Variants in COL23A1 observed in about 807,000 individuals in gnomAD.
COL23A1 encodes the protein collagen type XXIII alpha 1 chain.
In COL23A1, 97 loss-of-function variants were observed where a neutral mutation model predicts 99.3. The observed-to-expected ratio is 0.98, with a 90% CI of 0.83 to 1.16. COL23A1 has a LOEUF of 1.16. Among genes scored for constraint, COL23A1 ranks in the 50% most tolerant of loss-of-function variants. The probability of loss-of-function intolerance (pLI) is 0.00; values close to 1 mark genes in which losing one functional copy is unlikely to be tolerated. For missense variants in COL23A1, 762 were observed against 757.4 expected (o/e 1.01, Z -0.07); for synonymous variants, 320 against 308.2 (o/e 1.04, Z -0.40).
intron 2 of COL23A1, among the ~76,000 whole-genome samples, chr5:178,540,370 T>A (rs1310979946): frequency 6.6e-6 from 1 of 152,186 alleles, no homozygotes; most frequent in African/African-American, 2.4e-5. Context: ...TTTAAAAATA[T>A]TATTATTTAA....
At chr5:178,459,706 G>C (rs949333200) in intron 2 of COL23A1, among the ~76,000 whole-genome samples, 16 of 152,218 alleles carry the variant, frequency 1.1e-4, no homozygotes, top group Non-Finnish European at 2.2e-4. Context: ...AGGTTGCAGT[G>C]AGCTGAGATT....
At chr5:178,409,033 G>A (rs1465007272) in intron 2 of COL23A1, among the ~76,000 whole-genome samples, 1 of 142,128 alleles carries the variant, frequency 7.0e-6, no homozygotes, top group Non-Finnish European at 1.5e-5. Flanking sequence ...TCATGTGGCT[G>A]AACAATTGCA....
intron 2 of COL23A1, among the ~76,000 whole-genome samples, chr5:178,341,236 C>T (rs1383148120): frequency 2.6e-5 from 4 of 152,344 alleles, no homozygotes; most frequent in Non-Finnish European, 4.4e-5. Context: ...GCAATTCTCC[C>T]GCCTCAGCTT....
chr5:178,268,517 ACT>A, intron 7 of COL23A1, among the ~76,000 whole-genome samples: 1 of 152,034 alleles, frequency 6.6e-6, no homozygotes, highest in East Asian at 1.9e-4. Context: ...AGAACTCAAG[ACT>A]CAACTCTCTG....
chr5:178,318,619 C>G (rs943863218), intron 2 of COL23A1, among the ~76,000 whole-genome samples: 1 of 152,154 alleles, frequency 6.6e-6, no homozygotes, highest in South Asian at 2.1e-4. Context: ...AAGGGGCTTT[C>G]GGCCGGGCGC....
intron 2 of COL23A1, among the ~76,000 whole-genome samples, chr5:178,530,709 T>C (rs1760598390): frequency 6.6e-6 from 1 of 152,108 alleles, no homozygotes; most frequent in Admixed American, 6.5e-5. Context: ...CTGAGGTCCC[T>C]GCCACCATCC....
At chr5:178,320,199 CTCT>C (rs1759214834) in intron 2 of COL23A1, among the ~76,000 whole-genome samples, 1 of 152,250 alleles carries the variant, frequency 6.6e-6, no homozygotes, top group Admixed American at 6.5e-5. Flanking sequence ...TATGGTTTCT[CTCT>C]TCTTGCTGGA....
intron 2 of COL23A1, among the ~76,000 whole-genome samples, chr5:178,419,844 A>C (rs1765508699): frequency 6.6e-6 from 1 of 152,166 alleles, no homozygotes; most frequent in South Asian, 2.1e-4. Flanking sequence ...CTGAGTGTTC[A>C]AACTGCGTTC....
chr5:178,376,606 C>T (rs150634371), intron 2 of COL23A1, among the ~76,000 whole-genome samples: 93 of 152,338 alleles, frequency 6.1e-4, no homozygotes, highest in African/African-American at 1.9e-3. Flanking sequence ...TCAAGCAATC[C>T]TGCAAGTTAG....
intron 2 of COL23A1, among the ~76,000 whole-genome samples, chr5:178,554,543 CTGGGCCAGCCGTCACCG>C (rs1762169062): frequency 6.6e-6 from 1 of 152,210 alleles, no homozygotes; most frequent in Non-Finnish European, 1.5e-5. Context: ...CTGGCGGTGA[CTGGGCCAGCCGTCACCG>C]GAAGAGTCTG....
At chr5:178,252,917 T>A (rs1001465810) in intron 16 of COL23A1, among the ~76,000 whole-genome samples, 1 of 152,310 alleles carries the variant, frequency 6.6e-6, no homozygotes, top group East Asian at 1.9e-4. Context: ...GGCTCCCTAT[T>A]GCCTCTCAAA....
At chr5:178,239,841 G>A (rs1429704408) in intron 27 of COL23A1, among the ~76,000 whole-genome samples, 8 of 130,580 alleles carry the variant, frequency 6.1e-5, no homozygotes, top group Non-Finnish European at 9.3e-5. Flanking sequence ...GGGTCCTGCC[G>A]AGAGCCGTGT....
intron 2 of COL23A1, among the ~76,000 whole-genome samples, chr5:178,502,386 C>T (rs907028430): frequency 6.6e-6 from 1 of 152,240 alleles, no homozygotes; most frequent in Non-Finnish European, 1.5e-5. Flanking sequence ...CCGCCTCGGC[C>T]TCCCAAAGTG....
intron 2 of COL23A1, among the ~76,000 whole-genome samples, chr5:178,416,228 GACCAACT>G (rs1311672863): frequency 6.6e-6 from 1 of 152,048 alleles, no homozygotes; most frequent in Non-Finnish European, 1.5e-5. Flanking sequence ...AAAACATGAT[GACCAACT>G]AGTTGCCAGG....
At chr5:178,512,479 C>T (rs1050213374) in intron 2 of COL23A1, among the ~76,000 whole-genome samples, 6 of 152,180 alleles carry the variant, frequency 3.9e-5, no homozygotes, top group African/African-American at 1.2e-4. Context: ...TTAACATCGT[C>T]CCTGTCCAGC....
Position 178,516,266 on chromosome 5 carries a change from C to A in COL23A1, c.361+44416G>T, listed in dbSNP as rs550118169. On this transcript the variant is annotated intron_variant, in intron 2 of 28. Coordinates refer to ENST00000390654, the MANE Select transcript of COL23A1 (RefSeq NM_173465.4). The stretch of plus-strand genomic sequence containing the variant: ...AAACACCTGCAGAAGAATCGCCCAG[C>A]TCCTGCGTCTCTGGTACCCAGAGGC... 9.8e-5 allele frequency among the ~76,000 whole-genome samples: 15 copies of A among 152,362 alleles called. 1 individual carries two copies. The highest frequency in any genetic ancestry group is 3.6e-4 in the African/African-American group (15 of 41,580).
At chr5:178,251,925 T>TTTTTA (rs1554125608) in intron 17 of COL23A1, among the ~76,000 whole-genome samples, 5 of 142,790 alleles carry the variant, frequency 3.5e-5, no homozygotes, top group Non-Finnish European at 6.1e-5. Flanking sequence ...TTTTTTTTTT[T>TTTTTA]ATTTTGAGAC....
chr5:178,278,019 A>C lies in COL23A1; in HGVS notation c.442-7656T>G, dbSNP rs555131038. Reference sequence around the variant, plus strand: ...TTCTGGTGGAAGGAAGTCTGGGGGAACACACCATCAGCTCATTTTGGTGCC... The same window carrying C: ...TTCTGGTGGAAGGAAGTCTGGGGGACCACACCATCAGCTCATTTTGGTGCC... On this transcript the variant is annotated intron_variant, in intron 5 of 28. Transcript: ENST00000390654. Among the ~76,000 whole-genome samples, 8 of 152,308 alleles carry C rather than the reference A, an allele frequency of 5.3e-5. No homozygotes were observed. The South Asian group carries it at 1.0e-3, about 20-fold the overall frequency.
chr5:178,371,359 C>T (rs1762791529), intron 2 of COL23A1, among the ~76,000 whole-genome samples: 1 of 152,214 alleles, frequency 6.6e-6, no homozygotes, highest in Admixed American at 6.5e-5. Context: ...CCCCAGTTGA[C>T]TCTCAAATCC....
Sources: allele counts gnomAD v4.1 joint callset (sites outside exome capture counted in the v4.1 genomes callset), GRCh38; gene constraint gnomAD v4.1.1; transcripts MANE v1.5; gene names NCBI Gene and HGNC (gene_info 2026-07-23, HGNC 2026-07-21).